The following CYP24A1 variants were observed in gnomAD, a reference collection of about 807,000 sequenced individuals.
CYP24A1 encodes cytochrome P450 family 24 subfamily A member 1.
A neutral mutation model predicts 62.4 loss-of-function variants in CYP24A1; 68 were observed. That is an observed-to-expected ratio of 1.09 (90% CI 0.90 to 1.33). CYP24A1 has a LOEUF of 1.33. CYP24A1 is among the 40% of genes most tolerant of loss of function. The pLI is 0.00. For synonymous variants in CYP24A1, 267 were observed against 253.0 expected (o/e 1.06, Z -0.52); for missense variants, 787 against 653.0 (o/e 1.21, Z -2.24).
At chr20:54,157,759 A>C (rs1051506480) in intron 9 of CYP24A1, among the ~76,000 whole-genome samples, 174 bp from the exon 10 acceptor site, 1 of 152,224 alleles carries the variant, frequency 6.6e-6, no homozygotes, top group Non-Finnish European at 1.5e-5. Flanking sequence ...AAATAGGTAA[A>C]GGGCTTTAGA....
Position 54,173,347 on chromosome 20 carries a change from C to G in CYP24A1, c.233G>C (p.Gly78Ala), listed in dbSNP as rs755808640. The change falls in exon 1 of 12, where the codon GGT (glycine) becomes GCT (alanine). Residue 78 changes from glycine (G) to alanine (A), a missense_variant. Transcript: ENST00000216862. This position sits in a 1 kb window ranked among gnomAD's most constrained non-coding sequence, Gnocchi z 7.2. Reference protein sequence around the residue: ...GSLLQILWKGGLKKQHDTLVE... With the variant: ...GSLLQILWKGALKKQHDTLVE... ...CAGGGTGTCGTGCTGTTTCTTGAGA[C>G]CCCCTTTCCAGAGAATCTGCAGCAG... 15 of 1,607,514 alleles carry G rather than the reference C, an allele frequency of 9.3e-6. No homozygotes were observed. The highest frequency in any genetic ancestry group is 1.3e-5 in the Non-Finnish European group (15 of 1,176,310).
intron 3 of CYP24A1, among the ~76,000 whole-genome samples, chr20:54,170,911 G>A (rs2092691618): frequency 6.6e-6 from 1 of 152,190 alleles, no homozygotes; most frequent in Non-Finnish European, 1.5e-5. Context: ...AACTCCCTTT[G>A]ACTCCGTGCT....
chr20:54,157,630 G>GGTT (rs2092634184), intron 9 of CYP24A1, 45 bp from the exon 10 acceptor site: 1 of 1,187,904 alleles, frequency 8.4e-7, no homozygotes, highest in Non-Finnish European at 1.3e-6. Flanking sequence ...AACCAGAAGA[G>GGTT]ACCTTTGAAT....
downstream of CYP24A1, among the ~76,000 whole-genome samples, chr20:54,149,345 C>G (rs919001333): frequency 6.6e-6 from 1 of 152,132 alleles, no homozygotes; most frequent in South Asian, 2.1e-4. Flanking sequence ...GTGCTCGTAG[C>G]TTATTATGAC....
At chr20:54,147,474 C>G in the CYP24A1 span, among the ~76,000 whole-genome samples, 2 of 152,182 alleles carry the variant, frequency 1.3e-5, no homozygotes, top group Non-Finnish European at 2.9e-5. Flanking sequence ...GGCCCTGCCC[C>G]AGAAAGGATT....
Position 54,172,896 on chromosome 20 carries a change from G to A in CYP24A1, c.449+13C>T, listed in dbSNP as rs1386835827. ...GTCTGGCCGCATGCCCAGGTCCCTC[G>A]GATTGGACTCACAGGATCAGCAGCC... On this transcript the variant is annotated intron_variant, in intron 2 of 11. Transcript: ENST00000216862. The A allele has an allele frequency of 3.7e-6, 6 of 1,613,372 alleles. No individual in the cohort carries two copies. The African/African-American group carries it at 8.0e-5, about 22-fold the overall frequency.
chr20:54,159,262 C>T (rs1420735372), intron 7 of CYP24A1, 139 bp from the exon 8 acceptor site: 1 of 686,666 alleles, frequency 1.5e-6, no homozygotes, highest in African/African-American at 1.8e-5. Flanking sequence ...TATAGCTACG[C>T]CTTTAGACAA....
At position 54,173,222 on chromosome 20, in the gene CYP24A1, C is replaced by G; in HGVS notation, c.258+100G>C. ...GACCCTCCCTGCCCAGACGCCGAAG[C>G]GCACCATGCGCCCGAGGCGCGCATG... On this transcript the variant is annotated intron_variant, in intron 1 of 11. Coordinates refer to ENST00000216862, the MANE Select transcript of CYP24A1 (RefSeq NM_000782.5). The surrounding 1 kb of genome is among the most constrained non-coding windows in gnomAD (Gnocchi z 7.2). The G allele has an allele frequency of 1.3e-6, 2 of 1,510,200 alleles. No homozygotes were observed. Among genetic ancestry groups the G allele is most frequent in the Admixed American group, 1.8e-5 (1 of 56,562 alleles). The allele number at this position is 1,510,200 out of a possible 1,614,324, so 93.5% of individuals were successfully genotyped here.
chr20:54,149,096 A>G (rs1424458985), downstream of CYP24A1, among the ~76,000 whole-genome samples: 1 of 152,232 alleles, frequency 6.6e-6, no homozygotes, highest in East Asian at 1.9e-4. Flanking sequence ...TGCTTGGCTT[A>G]CAGATCTTCA....
chr20:54,168,262 C>G (rs1335601264), intron 4 of CYP24A1, among the ~76,000 whole-genome samples: 2 of 152,194 alleles, frequency 1.3e-5, no homozygotes, highest in Non-Finnish European at 2.9e-5. Context: ...CTCTTGCACC[C>G]CCATGGGCAG....
chr20:54,157,899 T>A (rs1429176279), intron 9 of CYP24A1, among the ~76,000 whole-genome samples, 187 bp downstream of exon 9: 1 of 152,242 alleles, frequency 6.6e-6, no homozygotes, highest in Non-Finnish European at 1.5e-5. Context: ...TGAAACTGAA[T>A]GCAGGTCTCT....
chr20:54,149,065 G>A (rs6097800), downstream of CYP24A1, among the ~76,000 whole-genome samples: 1 of 152,132 alleles, frequency 6.6e-6, no homozygotes, highest in Admixed American at 6.5e-5. Context: ...TGTTTATTTT[G>A]GTTTGCCCCT....
intron 4 of CYP24A1, among the ~76,000 whole-genome samples, chr20:54,166,431 CCTGAATCCCCCGAACTCATCAACAT>C (rs1222809169): frequency 6.6e-6 from 1 of 152,076 alleles, no homozygotes; most frequent in African/African-American, 2.4e-5. Context: ...AAAATGAATA[CCTGAATCCCCCGAACTCATCAACAT>C]CTTGCTGCCA....
chr20:54,165,523 G>A (rs1028077122), intron 5 of CYP24A1, among the ~76,000 whole-genome samples: 2 of 152,110 alleles, frequency 1.3e-5, no homozygotes, highest in Admixed American at 1.3e-4. Context: ...TGGAAAAATT[G>A]TCTTCCACGA....
At chr20:54,147,859 A>T in the CYP24A1 span, among the ~76,000 whole-genome samples, 2 of 151,746 alleles carry the variant, frequency 1.3e-5, no homozygotes, top group Non-Finnish European at 2.9e-5. Context: ...CTTGAGACAG[A>T]GTTTTACTCT....
chr20:54,152,555 T>C (rs1160824606), downstream of CYP24A1, among the ~76,000 whole-genome samples: 1 of 152,094 alleles, frequency 6.6e-6, no homozygotes, highest in African/African-American at 2.4e-5. Flanking sequence ...TGGACGTAGA[T>C]GGTGCGTAGG....
At chr20:54,171,945 G>A in intron 2 of CYP24A1, 1 of 675,224 alleles carries the variant, frequency 1.5e-6, no homozygotes, top group Non-Finnish European at 2.2e-6. Context: ...CAGGGATTTT[G>A]AGGTGTCCTT....
chr20:54,172,179 T>A (rs568518368), intron 2 of CYP24A1, among the ~76,000 whole-genome samples: 1 of 152,254 alleles, frequency 6.6e-6, no homozygotes, highest in Non-Finnish European at 1.5e-5. Context: ...ATAAAAAGCC[T>A]TTTGCGATCG....
downstream of CYP24A1, among the ~76,000 whole-genome samples, chr20:54,149,060 A>T (rs1427022023): frequency 6.6e-6 from 1 of 152,152 alleles, no homozygotes; most frequent in African/African-American, 2.4e-5. Context: ...GGACATGTTT[A>T]TTTTGGTTTG....
Sources: gnomAD v4.1 joint callset for allele counts (sites outside exome capture counted in the v4.1 genomes callset) on GRCh38, gnomAD v4.1.1 for gene constraint, Gnocchi (gnomAD v3.1) non-coding constraint, MANE v1.5 for transcripts, NCBI Gene and HGNC (gene_info 2026-07-23, HGNC 2026-07-21) for gene names.